Variants in USP9Y observed in about 807,000 individuals in gnomAD.
USP9Y encodes the protein ubiquitin carboxyl-terminal hydrolase 9Y.
In USP9Y, 41 loss-of-function variants were observed where a neutral mutation model predicts 53.1. The observed-to-expected ratio is 0.77, with a 90% CI of 0.60 to 1.00. The LOEUF is 1.00. USP9Y is among the 50% of genes least tolerant of loss of function. The probability of loss-of-function intolerance (pLI) is 0.00; values close to 1 mark genes in which losing one functional copy is unlikely to be tolerated. For missense variants in USP9Y, 567 were observed against 535.8 expected, an observed-to-expected ratio of 1.06 and a Z score of -0.58; for synonymous variants, 220 against 173.7, an observed-to-expected ratio of 1.27 and a Z score of -2.09.
intron 33 of USP9Y, among the ~76,000 whole-genome samples, chrY:12,823,046 A>G (rs2053543463): frequency 6.2e-5 from 2 of 32,455 alleles, no homozygotes; most frequent in East Asian, 8.2e-4. Context: ...TTGTATTTTT[A>G]GTAGAGACAG....
chrY:12,742,783 C>G, intron 12 of USP9Y, among the ~76,000 whole-genome samples: 1 of 33,458 alleles, frequency 3.0e-5, no homozygotes, highest in East Asian at 7.8e-4. Flanking sequence ...CCCTGTTACT[C>G]TTAGTGTTAA....
At chrY:12,799,235 A>G in intron 27 of USP9Y, among the ~76,000 whole-genome samples, 1 of 32,699 alleles carries the variant, frequency 3.1e-5, no homozygotes, top group Non-Finnish European at 7.5e-5. Context: ...TATTGTACAC[A>G]TGGCTGGCAG....
chrY:12,820,283 G>GC (rs2053540219), intron 33 of USP9Y, among the ~76,000 whole-genome samples: 1 of 33,391 alleles, frequency 3.0e-5, no homozygotes, highest in Non-Finnish European at 7.4e-5. Context: ...GAAAAATGCT[G>GC]CTGCCCCTCA....
Position 12,860,353 on chromosome Y carries a change from T to C in USP9Y, c.*937T>C. 3.1e-5 allele frequency: 1 copy of C among 32,775 alleles called. No homozygotes were observed. The highest frequency in any genetic ancestry group is 1.2e-4 in the African/African-American group (1 of 8,412). 8.2% of individuals were successfully genotyped at this position (32,775 alleles called of 400,897 possible). The stretch of plus-strand genomic sequence containing the variant: ...GCATAATAGATTGTATTTGGTGTGC[T>C]TGCGATTTTTTTTTTCCATAGAATT... On this transcript the variant is annotated 3_prime_UTR_variant, in exon 46 of 46. Coordinates refer to ENST00000338981, the MANE Select transcript of USP9Y (RefSeq NM_004654.4).
At chrY:12,855,956 T>TA (rs2053575735) in intron 42 of USP9Y, among the ~76,000 whole-genome samples, 2 of 28,445 alleles carry the variant, frequency 7.0e-5, no homozygotes, top group Non-Finnish European at 1.7e-4. Flanking sequence ...TTCTATCTCT[T>TA]AAAAAAAAAA....
intron 33 of USP9Y, among the ~76,000 whole-genome samples, chrY:12,827,373 C>T (rs918867747): frequency 6.1e-5 from 2 of 32,800 alleles, no homozygotes; most frequent in African/African-American, 2.4e-4. Flanking sequence ...AATCAAACTA[C>T]GTCTCAAACC....
chrY:12,705,983 G>A (rs2053419103), intron 1 of USP9Y, among the ~76,000 whole-genome samples: 1 of 33,627 alleles, frequency 3.0e-5, no homozygotes, highest in Non-Finnish European at 7.4e-5. Context: ...CTTTTGCCTC[G>A]TATTTCTTGT....
chrY:12,759,734 T>G, intron 14 of USP9Y, among the ~76,000 whole-genome samples: 1 of 32,729 alleles, frequency 3.1e-5, no homozygotes, highest in Non-Finnish European at 7.5e-5. Context: ...TGTATGGACA[T>G]TTGTCTTGTG....
chrY:12,821,397 A>C, intron 33 of USP9Y, among the ~76,000 whole-genome samples: 1 of 32,928 alleles, frequency 3.0e-5, no homozygotes, highest in Admixed American at 2.8e-4. Flanking sequence ...TCATTGTATG[A>C]CTAGACCATG....
rs764764699 is a variant in USP9Y at position 12,726,600 on chromosome Y, G to A, written c.464G>A (p.Arg155His). 5.8e-5 allele frequency: 23 copies of A among 394,656 alleles called. No homozygotes were observed. In the East Asian group the frequency reaches 1.9e-3, roughly 32 times the overall value. Residue 155 changes from arginine (R) to histidine (H), a missense_variant, in exon 7 of 46, where the codon CGC becomes CAC. Physicochemically the swap from Arg to His is conservative, Grantham distance 29. Coordinates refer to ENST00000338981, the MANE Select transcript of USP9Y (RefSeq NM_004654.4). ...AGATGTATTATTAACAATACTCATC[G>A]CCTAGTGGAGCTTTGTGTGGCCAAG... ...IHRCIINNTH[R>H]LVELCVAKLS...
intron 31 of USP9Y, 106 bp from the exon 32 acceptor site, chrY:12,816,018 G>A: frequency 4.2e-6 from 1 of 238,920 alleles, no homozygotes; most frequent in South Asian, 3.6e-5. Flanking sequence ...TTTCAAAGTG[G>A]CTGTGGTGGT....
Position 12,818,513 on chromosome Y carries a change from A to G in USP9Y, c.4924A>G (p.Asn1642Asp). ...TAAGACAGAAGATAGGAAAGAGTAT[A>G]ATATTGGTGTCCTAAGACACCTTCA... ...LSKTEDRKEY[N>D]IGVLRHLQVI... The change falls in exon 33 of 46, where the codon AAT (asparagine) becomes GAT (aspartate). Residue 1642 changes from asparagine to aspartate, a missense_variant. Physicochemically the swap from Asn to Asp is conservative, Grantham distance 23. Coordinates refer to ENST00000338981, the MANE Select transcript of USP9Y (RefSeq NM_004654.4). 2.5e-6 allele frequency: 1 copy of G among 395,969 alleles called. No individual in the cohort carries two copies. Among genetic ancestry groups the G allele is most frequent in the Non-Finnish European group, 3.6e-6 (1 of 281,376 alleles).
In USP9Y at chrY:12,776,732, C is replaced by A. The variant is rs1358071228; in HGVS notation, c.2511C>A (p.Asp837Glu). The change falls in exon 19 of 46, where the codon GAC becomes GAA. Residue 837 changes from aspartate to glutamate, a missense_variant. By Grantham distance (45) the Asp-to-Glu change is conservative (BLOSUM62 2). Coordinates refer to ENST00000338981, the MANE Select transcript of USP9Y (RefSeq NM_004654.4). ...ATACACTGTGTGTTTTTGATGGTGACAAAAACAGCATTAATTGTGCAAGAC... is the reference window on the plus strand; with the variant it reads ...ATACACTGTGTGTTTTTGATGGTGAAAAAAACAGCATTAATTGTGCAAGAC... The part of the protein sequence containing the change: ...SYDTLCVFDG[D>E]KNSINCARQE... The A allele has an allele frequency of 2.5e-6, 1 of 395,569 alleles. No homozygotes were observed. The highest frequency in any genetic ancestry group is 3.6e-6 in the Non-Finnish European group (1 of 281,083).
intron 10 of USP9Y, among the ~76,000 whole-genome samples, chrY:12,736,979 C>T (rs2053452487): frequency 1.6e-4 from 4 of 25,681 alleles, no homozygotes; most frequent in Admixed American, 7.3e-4. Flanking sequence ...AGATTAATTT[C>T]TTTTTTTTTT....
intron 12 of USP9Y, among the ~76,000 whole-genome samples, chrY:12,739,949 G>C: frequency 3.0e-5 from 1 of 33,288 alleles, no homozygotes; most frequent in Admixed American, 2.7e-4. Context: ...GAGAATAATT[G>C]GAAAATGAGG....
chrY:12,791,242 A>G, intron 25 of USP9Y, among the ~76,000 whole-genome samples: 1 of 33,455 alleles, frequency 3.0e-5, no homozygotes, highest in Non-Finnish European at 7.4e-5. Flanking sequence ...GGATAAAGCC[A>G]TATCAGACTT....
In USP9Y at chrY:12,776,666, C is replaced by T; in HGVS notation, c.2445C>T (p.Asp815=). ...ATTTATAGGTGGTTATCCATGAAGACTTCATTCAGTCTTGCTTTGATCGTT... is the reference window on the plus strand; with the variant it reads ...ATTTATAGGTGGTTATCCATGAAGATTTCATTCAGTCTTGCTTTGATCGTT... ...LKANQVVIHE[D]FIQSCFDRLK... The change falls in exon 19 of 46, where the codon GAC becomes GAT. Residue 815 remains aspartate (D), a synonymous_variant. Transcript: ENST00000338981. The T allele has an allele frequency of 2.5e-6, 1 of 394,087 alleles. No individual in the cohort carries two copies. The highest frequency in any genetic ancestry group is 3.6e-6 in the Non-Finnish European group (1 of 279,427).
intron 42 of USP9Y, among the ~76,000 whole-genome samples, chrY:12,850,245 A>C (rs2053570580): frequency 7.1e-5 from 2 of 28,108 alleles, no homozygotes; most frequent in African/African-American, 2.8e-4. Flanking sequence ...AGGTGTTTAT[A>C]GTATTCTCTG....
chrY:12,846,282 T>C, intron 39 of USP9Y, 51 bp from the exon 40 acceptor site: 2 of 338,571 alleles, frequency 5.9e-6, no homozygotes, highest in Non-Finnish European at 8.6e-6. Flanking sequence ...TTGCAGTACT[T>C]ACCCTCTTAG....
Sources: gnomAD v4.1 joint callset for allele counts (sites outside exome capture counted in the v4.1 genomes callset) on GRCh38, gnomAD v4.1.1 for gene constraint, MANE v1.5 for transcripts, NCBI Gene and HGNC (gene_info 2026-07-23, HGNC 2026-07-21) for gene names.